The following DTNB variants were observed in gnomAD, a reference collection of about 807,000 sequenced individuals.
DTNB encodes dystrobrevin beta.
A neutral mutation model predicts 90.7 loss-of-function variants in DTNB; 63 were observed. That is an observed-to-expected ratio of 0.69 (90% CI 0.57 to 0.86). DTNB has a LOEUF of 0.86. Among genes scored for constraint, DTNB ranks in the 40% least tolerant of loss-of-function variants. The pLI is 0.00. For missense variants in DTNB, 744 were observed against 807.1 expected, an observed-to-expected ratio of 0.92 and a Z score of 0.95; for synonymous variants, 277 against 286.7, an observed-to-expected ratio of 0.97 and a Z score of 0.34.
intron 3 of DTNB, among the ~76,000 whole-genome samples, chr2:25,630,256 A>G (rs2075376533): frequency 6.6e-6 from 1 of 152,228 alleles, no homozygotes; most frequent in African/African-American, 2.4e-5. Flanking sequence ...GCGAGGATGT[A>G]GAGAAGTTGA....
intron 12 of DTNB, among the ~76,000 whole-genome samples, chr2:25,446,882 T>C (rs998759186): frequency 2.0e-5 from 3 of 152,208 alleles, no homozygotes; most frequent in Non-Finnish European, 2.9e-5. Flanking sequence ...GTTGGTTCTC[T>C]ATCTCCCATA....
chr2:25,406,405 C>T (rs925297820), intron 16 of DTNB, among the ~76,000 whole-genome samples: 3 of 151,884 alleles, frequency 2.0e-5, no homozygotes, highest in Non-Finnish European at 4.4e-5. Context: ...TGTGGTGGTG[C>T]ATGCCTGTAA....
chr2:25,648,345 T>C (rs2148905286), intron 2 of DTNB, among the ~76,000 whole-genome samples: 1 of 152,294 alleles, frequency 6.6e-6, no homozygotes, highest in Non-Finnish European at 1.5e-5. Context: ...GATAAAATAT[T>C]AAGCAAAGAA....
Position 25,609,529 on chromosome 2 carries a change from C to T in DTNB, c.363-2208G>A, listed in dbSNP as rs148577286. Among the ~76,000 whole-genome samples the T allele has an allele frequency of 1.1e-3, 162 of 147,352 alleles. 1 individual carries two copies. Among genetic ancestry groups the T allele is most frequent in the African/African-American group, 3.9e-3 (155 of 39,796 alleles). On this transcript the variant is annotated intron_variant, in intron 4 of 20. Transcript: ENST00000406818. ...AGGAAAATTGCTTGAACCCAGGAGG[C>T]GGAGGTTGCAGTGAGCTGAGATAGC... is the stretch of plus-strand genomic sequence containing the variant.
At chr2:25,464,281 C>G (rs559791653) in intron 10 of DTNB, among the ~76,000 whole-genome samples, 2 of 152,126 alleles carry the variant, frequency 1.3e-5, no homozygotes, top group Non-Finnish European at 2.9e-5. Context: ...AATTCTAGGG[C>G]TGGGGCAGGG....
At chr2:25,390,903 T>TC (rs1558316046) in intron 16 of DTNB, among the ~76,000 whole-genome samples, 1 of 150,566 alleles carries the variant, frequency 6.6e-6, no homozygotes, top group East Asian at 1.9e-4. Context: ...GACTTTTTTT[T>TC]TTTTTTTTTT....
chr2:25,587,052 G>T (rs2062580182), intron 6 of DTNB, among the ~76,000 whole-genome samples: 1 of 152,148 alleles, frequency 6.6e-6, no homozygotes, highest in Non-Finnish European at 1.5e-5. Context: ...CAGCTAAAAA[G>T]ATCCCATGGT....
chr2:25,563,351 A>G lies in DTNB; in HGVS notation c.876+13487T>C, dbSNP rs149204050. 5.3e-5 allele frequency among the ~76,000 whole-genome samples: 8 copies of G among 152,280 alleles called. No homozygotes were observed. The East Asian group carries it at 1.5e-3, about 29-fold the overall frequency. On this transcript the variant is annotated intron_variant, in intron 8 of 20. Coordinates refer to ENST00000406818, the MANE Select transcript of DTNB (RefSeq NM_021907.5). Reference sequence around the variant, plus strand: ...TTAAGAGTTCTTTATAATTCTGGATACAAGTCCCTTATCAGATACATGATT... The same window carrying G: ...TTAAGAGTTCTTTATAATTCTGGATGCAAGTCCCTTATCAGATACATGATT...
intron 18 of DTNB, among the ~76,000 whole-genome samples, chr2:25,386,874 G>C (rs2039617572): frequency 6.6e-6 from 1 of 152,188 alleles, no homozygotes; most frequent in African/African-American, 2.4e-5. Context: ...AGGCAGCAGG[G>C]GAAGGTCCAG....
chr2:25,391,131 C>CAA (rs1467593855), intron 16 of DTNB, among the ~76,000 whole-genome samples: 1 of 150,400 alleles, frequency 6.6e-6, no homozygotes, highest in Non-Finnish European at 1.5e-5. Flanking sequence ...CTCCTGACCT[C>CAA]GTGATCCACC....
chr2:25,600,703 T>C (rs1343294900), intron 5 of DTNB, among the ~76,000 whole-genome samples: 1 of 152,308 alleles, frequency 6.6e-6, no homozygotes, highest in Non-Finnish European at 1.5e-5. Context: ...TATATATGTA[T>C]AGCTTCACAA....
intron 10 of DTNB, among the ~76,000 whole-genome samples, chr2:25,475,839 A>C (rs2063630883): frequency 1.3e-5 from 2 of 152,202 alleles, no homozygotes; most frequent in South Asian, 4.1e-4. Flanking sequence ...GGAAGAATAA[A>C]GCCCGGATGA....
chr2:25,668,837 T>C (rs146970037), intron 1 of DTNB, among the ~76,000 whole-genome samples: 338 of 152,070 alleles, frequency 2.2e-3, no homozygotes, highest in African/African-American at 7.7e-3. Context: ...CCAATGTTCA[T>C]AGCAGCACTC....
At chr2:25,580,318 C>T (rs886230178) in intron 7 of DTNB, among the ~76,000 whole-genome samples, 6 of 151,734 alleles carry the variant, frequency 4.0e-5, no homozygotes, top group Non-Finnish European at 8.8e-5. Flanking sequence ...TAAGTCTCTG[C>T]GAGATCAGCC....
At chr2:25,518,583 ACACACT>A (rs936486737) in intron 9 of DTNB, among the ~76,000 whole-genome samples, 3 of 152,034 alleles carry the variant, frequency 2.0e-5, no homozygotes, top group African/African-American at 7.2e-5. Context: ...CCCAACACAC[ACACACT>A]CACACTCACG....
intron 8 of DTNB, among the ~76,000 whole-genome samples, chr2:25,539,086 A>AT (rs57606799): frequency 1.3e-4 from 20 of 152,038 alleles, no homozygotes; most frequent in Non-Finnish European, 1.0e-4. Flanking sequence ...CAATTCATTC[A>AT]TTTTTTTCAC....
intron 9 of DTNB, among the ~76,000 whole-genome samples, chr2:25,484,248 T>C (rs2065658482): frequency 6.6e-6 from 1 of 152,272 alleles, no homozygotes; most frequent in South Asian, 2.1e-4. Flanking sequence ...TGCATGATTA[T>C]ACTTCTCATA....
intron 1 of DTNB, among the ~76,000 whole-genome samples, chr2:25,670,787 G>C (rs2085663356): frequency 6.6e-6 from 1 of 152,160 alleles, no homozygotes; most frequent in South Asian, 2.1e-4. Flanking sequence ...TTTCTTGATT[G>C]GAATGGTGGT....
Position 25,609,733 on chromosome 2 carries a change from C to T in DTNB, c.363-2412G>A, listed in dbSNP as rs1395303720. 6.1e-5 allele frequency among the ~76,000 whole-genome samples: 9 copies of T among 147,118 alleles called. No individual in the cohort carries two copies. The East Asian group carries it at 1.8e-3, about 29-fold the overall frequency. On this transcript the variant is annotated intron_variant, in intron 4 of 20. Transcript: ENST00000406818. ...AAAATTAAAAATACCAAGGCTTAGG[C>T]CCAACCCTTAGAGATCCTAATTATT... is the stretch of plus-strand genomic sequence containing the variant.
Sources: allele counts gnomAD v4.1 joint callset (sites outside exome capture counted in the v4.1 genomes callset), GRCh38; gene constraint gnomAD v4.1.1; transcripts MANE v1.5; gene names NCBI Gene and HGNC (gene_info 2026-07-23, HGNC 2026-07-21).